The following SCAPER variants were observed in gnomAD, a reference collection of about 807,000 sequenced individuals.
SCAPER encodes S-phase cyclin A associated protein in the ER, also known as S phase cyclin A-associated protein in the endoplasmic reticulum.
Under a neutral mutation model 182.2 loss-of-function variants are expected in SCAPER, and 98 were observed. That is an observed-to-expected ratio of 0.54 (90% CI 0.46 to 0.64). The LOEUF is 0.64. Ranked by LOEUF, SCAPER falls within the 30% of genes least tolerant of loss-of-function variation. The pLI is 0.00. For missense variants in SCAPER, 1,432 were observed against 1,690.0 expected, an observed-to-expected ratio of 0.85 and a Z score of 2.68; for synonymous variants, 605 against 564.6, an observed-to-expected ratio of 1.07 and a Z score of -1.01.
intron 29 of SCAPER, among the ~76,000 whole-genome samples, chr15:76,358,835 C>A (rs766867550): frequency 3.9e-5 from 6 of 152,242 alleles, no homozygotes; most frequent in Non-Finnish European, 8.8e-5. Flanking sequence ...TAACCAGGTG[C>A]ACTTCAGAGT....
intron 22 of SCAPER, among the ~76,000 whole-genome samples, chr15:76,584,044 T>TA (rs935586498): frequency 3.3e-5 from 5 of 151,654 alleles, no homozygotes; most frequent in South Asian, 2.1e-4. Flanking sequence ...GATAAACAGA[T>TA]AAAAAAAATG....
At chr15:76,395,574 T>C (rs1416335204) in intron 27 of SCAPER, among the ~76,000 whole-genome samples, 3 of 152,352 alleles carry the variant, frequency 2.0e-5, no homozygotes, top group Non-Finnish European at 2.9e-5. Context: ...CTTTGTAGTT[T>C]TGATTTGCAT....
chr15:76,640,716 A>G (rs2054032490), intron 21 of SCAPER, among the ~76,000 whole-genome samples: 3 of 152,194 alleles, frequency 2.0e-5, no homozygotes, highest in Non-Finnish European at 4.4e-5. Flanking sequence ...AAAGGGGGAG[A>G]TGTAGGGAGA....
intron 15 of SCAPER, among the ~76,000 whole-genome samples, chr15:76,744,257 G>C (rs187399158): frequency 6.1e-4 from 93 of 152,182 alleles, no homozygotes; most frequent in Middle Eastern, 3.4e-3. Flanking sequence ...ATCTCCAAAA[G>C]TAATTGGAAC....
At position 76,795,301 on chromosome 15, in the gene SCAPER, G is replaced by A; in HGVS notation, c.751C>T (p.Gln251Ter). The change falls in exon 8 of 32, where the codon CAG (glutamine) becomes TAG (stop). Residue 251 changes from glutamine to a stop codon, truncating the protein, a stop_gained. Transcript: ENST00000563290. LOFTEE classifies it high-confidence loss of function. ...TTGCCATTTTTGCGTGAGGCCTTCT[G>A]CACTGTCATTGGTGGGCAAGACTGG... is the stretch of plus-strand genomic sequence containing the variant. ...PAQSCPPMTVQKASRKNERKD... is the reference protein window; with the variant it reads ...PAQSCPPMTV 1 of 1,612,608 alleles carries A rather than the reference G, an allele frequency of 6.2e-7. No individual in the cohort carries two copies. The highest frequency in any genetic ancestry group is 8.5e-7 in the Non-Finnish European group (1 of 1,179,088).
intron 23 of SCAPER, among the ~76,000 whole-genome samples, chr15:76,517,939 G>T (rs188575353): frequency 6.6e-6 from 1 of 151,904 alleles, no homozygotes; most frequent in African/African-American, 2.4e-5. Flanking sequence ...CAGACTCAAA[G>T]AATATAAAGG....
intron 23 of SCAPER, among the ~76,000 whole-genome samples, chr15:76,543,025 T>TA (rs1413090987): frequency 6.6e-6 from 1 of 152,192 alleles, no homozygotes; most frequent in Admixed American, 6.5e-5. Context: ...TTTTAATTTT[T>TA]AAAAATAATT....
At chr15:76,365,782 T>C (rs1281456012) in intron 29 of SCAPER, among the ~76,000 whole-genome samples, 1 of 152,018 alleles carries the variant, frequency 6.6e-6, no homozygotes, top group Non-Finnish European at 1.5e-5. Flanking sequence ...TGACGTGGAG[T>C]AAGTCCTTCT....
chr15:76,723,671 A>C (rs2150985211), intron 17 of SCAPER, among the ~76,000 whole-genome samples: 1 of 152,236 alleles, frequency 6.6e-6, no homozygotes, highest in Non-Finnish European at 1.5e-5. Flanking sequence ...TGATCCCTTT[A>C]CCATTATGTA....
intron 17 of SCAPER, among the ~76,000 whole-genome samples, chr15:76,726,324 C>T (rs1042218657): frequency 6.6e-6 from 1 of 150,990 alleles, no homozygotes; most frequent in Non-Finnish European, 1.5e-5. Context: ...TGAGATGCCA[C>T]TTCACACTCT....
intron 25 of SCAPER, among the ~76,000 whole-genome samples, chr15:76,452,062 T>C (rs887551890): frequency 6.6e-6 from 1 of 152,228 alleles, no homozygotes; most frequent in Non-Finnish European, 1.5e-5. Flanking sequence ...GTTCCTACTA[T>C]TGTCTTCCTT....
At chr15:76,777,760 CA>C (rs1475291235) in intron 8 of SCAPER, among the ~76,000 whole-genome samples, 3 of 152,126 alleles carry the variant, frequency 2.0e-5, no homozygotes, top group African/African-American at 7.2e-5. Flanking sequence ...AAGAACATTG[CA>C]ATGGTTAAAA....
rs1253521934 is a variant in SCAPER, at chr15:76,602,108, C to A, written c.2711+19656G>T. Among the ~76,000 whole-genome samples, 31 of 121,550 alleles carry A rather than the reference C, an allele frequency of 2.6e-4. 9 individuals are homozygous for A. The Admixed American group carries it at 2.9e-3, about 11-fold the overall frequency. The allele number at this position is 121,550 out of a possible 152,430, so 79.7% of individuals were successfully genotyped here. The stretch of plus-strand genomic sequence containing the variant: ...AACTGTACATACACACATAAGCATA[C>A]ATAATAGAAAACACTGTTGCTATTA... On this transcript the variant is annotated intron_variant, in intron 22 of 31. Coordinates refer to ENST00000563290, the MANE Select transcript of SCAPER (RefSeq NM_020843.4).
intron 26 of SCAPER, among the ~76,000 whole-genome samples, chr15:76,421,370 A>C (rs1397006285): frequency 2.0e-5 from 3 of 152,342 alleles, no homozygotes; most frequent in East Asian, 3.9e-4. Context: ...TCTGATGGCC[A>C]GTGATGATGA....
At chr15:76,426,586 AT>A (rs1175778381) in intron 26 of SCAPER, among the ~76,000 whole-genome samples, 4 of 152,200 alleles carry the variant, frequency 2.6e-5, no homozygotes, top group Non-Finnish European at 5.9e-5. Flanking sequence ...AAATGGAAAA[AT>A]ATCCTGTGTT....
chr15:76,563,751 C>G (rs2046822670), intron 23 of SCAPER, among the ~76,000 whole-genome samples: 1 of 152,124 alleles, frequency 6.6e-6, no homozygotes, highest in East Asian at 1.9e-4. Context: ...AACATCAATG[C>G]AAAATTCTCA....
chr15:76,388,959 C>CAA (rs11378514), intron 27 of SCAPER, among the ~76,000 whole-genome samples: 18 of 145,652 alleles, frequency 1.2e-4, no homozygotes, highest in Admixed American at 2.7e-4. Context: ...GACTCCATCT[C>CAA]AAAAAAAAAA....
At chr15:76,864,859 T>C (rs141575379) in intron 2 of SCAPER, among the ~76,000 whole-genome samples, 93 of 152,296 alleles carry the variant, frequency 6.1e-4, no homozygotes, top group African/African-American at 2.2e-3. Context: ...ACTTGTCATT[T>C]TGAAATAAAT....
intron 21 of SCAPER, among the ~76,000 whole-genome samples, chr15:76,661,666 A>G (rs969285735): frequency 2.0e-5 from 3 of 152,216 alleles, no homozygotes; most frequent in African/African-American, 7.2e-5. Flanking sequence ...GCGATTACTA[A>G]TAAGTCAAGA....
Sources: allele counts gnomAD v4.1 joint callset (sites outside exome capture counted in the v4.1 genomes callset), GRCh38; gene constraint gnomAD v4.1.1; transcripts MANE v1.5; gene names NCBI Gene and HGNC (gene_info 2026-07-23, HGNC 2026-07-21).